DPP6: variants seen among roughly 807,000 people sequenced by gnomAD.
DPP6 encodes the protein A-type potassium channel modulatory protein DPP6.
A neutral mutation model predicts 122.6 loss-of-function variants in DPP6; 69 were observed. The ratio of observed to expected loss-of-function variants is 0.56; its 90% confidence interval spans 0.46 to 0.69. The LOEUF (loss-of-function observed/expected upper bound fraction) is 0.69, where lower values mean the gene tolerates loss of function less well. Among genes scored for constraint, DPP6 ranks in the 30% least tolerant of loss-of-function variants. The probability of loss-of-function intolerance (pLI) is 0.00; values close to 1 mark genes in which losing one functional copy is unlikely to be tolerated. For synonymous variants in DPP6, 418 were observed against 433.1 expected, an observed-to-expected ratio of 0.97 and a Z score of 0.43; for missense variants, 928 against 1,116.9, an observed-to-expected ratio of 0.83 and a Z score of 2.41.
chr7:154,576,253 C>T (rs892353403), intron 5 of DPP6, among the ~76,000 whole-genome samples: 13 of 152,114 alleles, frequency 8.5e-5, no homozygotes, highest in Non-Finnish European at 1.5e-4. Context: ...TCTCCGTCTG[C>T]GTCCACCGCT....
chr7:153,918,338 T>A (rs1021929505), intron 1 of DPP6, among the ~76,000 whole-genome samples: 1 of 152,142 alleles, frequency 6.6e-6, no homozygotes, highest in African/African-American at 2.4e-5. Flanking sequence ...TAGACCTTTT[T>A]CAGTTGGATA....
chr7:153,775,622 A>C, the DPP6 span, among the ~76,000 whole-genome samples: 9 of 152,224 alleles, frequency 5.9e-5, no homozygotes, highest in South Asian at 2.1e-4. Flanking sequence ...AGGCCTCAAA[A>C]TTTGAACATA....
rs1207960895 is a variant in DPP6, at chr7:154,606,511, C to A, written c.628-31310C>A. Among the ~76,000 whole-genome samples the A allele has an allele frequency of 7.5e-5, 9 of 120,288 alleles. 2 individuals carry two copies. The highest frequency in any genetic ancestry group is 1.9e-4 in the Admixed American group (2 of 10,720). 78.9% of individuals were successfully genotyped at this position (120,288 alleles called of 152,430 possible). On this transcript the variant is annotated intron_variant, in intron 5 of 25. Transcript: ENST00000377770. ...TGTTTACCTAACCCTTACTTTACAC[C>A]TTTCTTGGCCCTTATGATTTAATTA...
At position 154,268,730 on chromosome 7, in the gene DPP6, G is replaced by A. The variant is rs536462507; in HGVS notation, c.244-177484G>A. The stretch of plus-strand genomic sequence containing the variant: ...TCAATGATTTTCCCTGCGATGACAC[G>A]TGGCCTGCTCTGAACAGTGTTTGTT... On this transcript the variant is annotated intron_variant, in intron 1 of 25. Transcript: ENST00000377770. Among the ~76,000 whole-genome samples the A allele has an allele frequency of 7.1e-4, 108 of 152,166 alleles. 1 individual carries two copies. The highest frequency in any genetic ancestry group is 2.5e-3 in the African/African-American group (103 of 41,528).
intron 7 of DPP6, among the ~76,000 whole-genome samples, chr7:154,707,305 C>T (rs1210740564): frequency 6.6e-6 from 1 of 152,188 alleles, no homozygotes; most frequent in Non-Finnish European, 1.5e-5. Flanking sequence ...CACCATGAGG[C>T]AAGCACGGCA....
chr7:154,755,314 C>A lies in DPP6; in HGVS notation c.884-14103C>A, dbSNP rs1299499822. 6.6e-6 allele frequency among the ~76,000 whole-genome samples: 1 copy of A among 152,020 alleles called. No homozygotes were observed. Among genetic ancestry groups the A allele is most frequent in the Non-Finnish European group, 1.5e-5 (1 of 68,000 alleles). On this transcript the variant is annotated intron_variant, in intron 8 of 25. Transcript: ENST00000377770. The surrounding 1 kb of genome is among the most constrained non-coding windows in gnomAD (Gnocchi z 4.7). ...TTGAGACCCGGACATCCCCAGCAGC[C>A]CAGCATGCACAGGCTCAGAGCCCAC...
intron 1 of DPP6, among the ~76,000 whole-genome samples, chr7:154,306,022 G>T (rs1806308536): frequency 6.6e-6 from 1 of 152,188 alleles, no homozygotes; most frequent in Non-Finnish European, 1.5e-5. Context: ...ACAAGTCAAA[G>T]AAAATGAGCT....
At chr7:154,856,564 G>A (rs1227248378) in intron 17 of DPP6, among the ~76,000 whole-genome samples, 3 of 152,212 alleles carry the variant, frequency 2.0e-5, no homozygotes, top group Non-Finnish European at 2.9e-5. Flanking sequence ...CTTCCAGCAA[G>A]TGCAACATGC....
chr7:154,659,206 C>G (rs1837460756), intron 6 of DPP6, among the ~76,000 whole-genome samples: 1 of 152,202 alleles, frequency 6.6e-6, no homozygotes, highest in South Asian at 2.1e-4. Context: ...GACCCTAAAC[C>G]CAGTTTCCCA....
At chr7:154,251,112 G>C (rs1029485035) in intron 1 of DPP6, among the ~76,000 whole-genome samples, 1 of 152,214 alleles carries the variant, frequency 6.6e-6, no homozygotes, top group Non-Finnish European at 1.5e-5. Context: ...CTGACTGCGG[G>C]AATGCTGTTA....
At chr7:154,643,268 T>G (rs577781071) in intron 6 of DPP6, among the ~76,000 whole-genome samples, 1 of 152,140 alleles carries the variant, frequency 6.6e-6, no homozygotes, top group Non-Finnish European at 1.5e-5. Flanking sequence ...ATTCTGACCT[T>G]CTGCAATTAA....
At chr7:154,745,925 C>A (rs967784423) in intron 8 of DPP6, among the ~76,000 whole-genome samples, 1 of 152,192 alleles carries the variant, frequency 6.6e-6, no homozygotes, top group African/African-American at 2.4e-5. Flanking sequence ...CCACCTCCAA[C>A]ATTGGGGATC....
At chr7:154,210,056 T>C (rs1448456456) in intron 1 of DPP6, among the ~76,000 whole-genome samples, 2 of 152,160 alleles carry the variant, frequency 1.3e-5, no homozygotes, top group Non-Finnish European at 2.9e-5. Context: ...AAAACCTCAT[T>C]ACTCTCAATT....
At chr7:154,634,639 T>C (rs1040047031) in intron 5 of DPP6, among the ~76,000 whole-genome samples, 32 of 144,546 alleles carry the variant, frequency 2.2e-4, no homozygotes, top group Non-Finnish European at 3.1e-4. Flanking sequence ...CCTCCTCCTC[T>C]TCTTCCTCCT....
At position 154,648,917 on chromosome 7, in the gene DPP6, TAAAAA is replaced by T. The variant is rs59039501; in HGVS notation, c.680+11057_680+11061del. Among the ~76,000 whole-genome samples, 353 of 148,908 alleles carry T rather than the reference TAAAAA, an allele frequency of 2.4e-3. 1 individual carries two copies. Among genetic ancestry groups the T allele is most frequent in the African/African-American group, 6.0e-3 (241 of 40,400 alleles). On this transcript the variant is annotated intron_variant, in intron 6 of 25. Transcript: ENST00000377770. ...CTGGCAACAGAGCGAGACTCCATCT[TAAAAA>T]AAAAAAAAAAAATACACTTTTTAAA...
At chr7:154,212,042 C>G (rs1382712927) in intron 1 of DPP6, among the ~76,000 whole-genome samples, 1 of 152,200 alleles carries the variant, frequency 6.6e-6, no homozygotes, top group African/African-American at 2.4e-5. Flanking sequence ...GTATTCTTCA[C>G]TTTATACATG....
intron 1 of DPP6, among the ~76,000 whole-genome samples, chr7:154,370,179 C>T (rs1419575644): frequency 1.1e-4 from 16 of 152,146 alleles, no homozygotes; most frequent in Admixed American, 7.2e-4. Context: ...GACAGGGTTT[C>T]GCCATGTTGG....
chr7:154,190,707 GATAA>G (rs994469818), intron 1 of DPP6, among the ~76,000 whole-genome samples: 7 of 152,012 alleles, frequency 4.6e-5, no homozygotes, highest in African/African-American at 1.7e-4. Context: ...AGAGAACTAG[GATAA>G]ATAGAGTCCA....
At chr7:154,254,618 A>G (rs1186865426) in intron 1 of DPP6, among the ~76,000 whole-genome samples, 1 of 152,116 alleles carries the variant, frequency 6.6e-6, no homozygotes, top group Non-Finnish European at 1.5e-5. Context: ...TTGGTTCTTA[A>G]TGTAATGAGT....
Sources: allele counts gnomAD v4.1 joint callset (sites outside exome capture counted in the v4.1 genomes callset), GRCh38; gene constraint gnomAD v4.1.1; non-coding constraint Gnocchi (gnomAD v3.1); transcripts MANE v1.5; gene names NCBI Gene and HGNC (gene_info 2026-07-23, HGNC 2026-07-21).